MAPRE1: variants seen among roughly 807,000 people sequenced by gnomAD.
MAPRE1 encodes the protein microtubule associated protein RP/EB family member 1.
In MAPRE1, 5 loss-of-function variants were observed where a neutral mutation model predicts 32.1. That is an observed-to-expected ratio of 0.16 (90% confidence interval 0.08 to 0.33). The LOEUF is 0.33. Among genes scored for constraint, MAPRE1 ranks in the 10% least tolerant of loss-of-function variants. The pLI is 1.00. For missense variants in MAPRE1, 209 were observed against 327.2 expected, an observed-to-expected ratio of 0.64 and a Z score of 2.79; for synonymous variants, 122 against 118.9, an observed-to-expected ratio of 1.03 and a Z score of -0.17.
In MAPRE1 at chr20:32,846,777, G is replaced by A. The variant is rs1983516599; in HGVS notation, c.750+7G>A. Reference sequence around the variant, plus strand: ...CATTCTGTATGCCACAGATGTATGTGTTTGACATGAGGATATTTTCTTTCC... The same window carrying A: ...CATTCTGTATGCCACAGATGTATGTATTTGACATGAGGATATTTTCTTTCC... On this transcript the variant is annotated splice_region_variant and intron_variant, in intron 6 of 6. Transcript: ENST00000375571. 5 of 1,613,878 alleles carry A rather than the reference G, an allele frequency of 3.1e-6. No individual in the cohort carries two copies. Among genetic ancestry groups the A allele is most frequent in the Non-Finnish European group, 4.2e-6 (5 of 1,179,790 alleles).
At chr20:32,830,886 G>C (rs1220307532) in intron 2 of MAPRE1, among the ~76,000 whole-genome samples, 1 of 151,986 alleles carries the variant, frequency 6.6e-6, no homozygotes. Context: ...ACCACACCCG[G>C]CTAATTTTTT....
chr20:32,827,455 G>A (rs1982888588), intron 2 of MAPRE1, among the ~76,000 whole-genome samples: 1 of 151,964 alleles, frequency 6.6e-6, no homozygotes, highest in Admixed American at 6.6e-5. Context: ...ACAAAAACAT[G>A]GTCTCTTTCT....
chr20:32,839,959 T>C (rs1983315121), intron 5 of MAPRE1, 103 bp downstream of exon 5: 6 of 1,514,228 alleles, frequency 4.0e-6, no homozygotes, highest in Non-Finnish European at 5.4e-6. Flanking sequence ...CTGCCTTGTT[T>C]GCTTGCCAGA....
intron 2 of MAPRE1, among the ~76,000 whole-genome samples, 188 bp downstream of exon 2, chr20:32,826,236 T>TTTGA (rs1491215602): frequency 1.9e-5 from 2 of 104,936 alleles, no homozygotes; most frequent in African/African-American, 8.0e-5. Context: ...TTTTTTTTTT[T>TTTGA]GACAGAGTCT....
chr20:32,832,125 G>A (rs1030635901), intron 2 of MAPRE1, among the ~76,000 whole-genome samples: 3 of 152,094 alleles, frequency 2.0e-5, no homozygotes, highest in Non-Finnish European at 4.4e-5. Context: ...CAAAAATAAC[G>A]GTAACCGAAC....
chr20:32,836,989 CAGGCAGATAACGGTGTGTGTCCTTA>C (rs1463742793), intron 4 of MAPRE1, 148 bp downstream of exon 4: 1 of 749,732 alleles, frequency 1.3e-6, no homozygotes, highest in Admixed American at 3.1e-5. Context: ...ATTTTGGCAT[CAGGCAGATAACGGTGTGTGTCCTTA>C]GGTGTCTGTA....
intron 5 of MAPRE1, among the ~76,000 whole-genome samples, chr20:32,842,451 AC>A (rs904187804): frequency 1.3e-5 from 2 of 152,212 alleles, no homozygotes; most frequent in African/African-American, 4.8e-5. Context: ...TTTCGCAGCA[AC>A]CCTGTGAGGT....
At chr20:32,843,536 T>C (rs1983421375) in intron 5 of MAPRE1, 1 of 152,176 alleles carries the variant, frequency 6.6e-6, no homozygotes, top group African/African-American at 2.4e-5. Flanking sequence ...AAGAAATAGG[T>C]AAAATTAATT....
chr20:32,825,634 A>G (rs1446786524), intron 1 of MAPRE1, among the ~76,000 whole-genome samples: 1 of 152,036 alleles, frequency 6.6e-6, no homozygotes, highest in Admixed American at 6.6e-5. Flanking sequence ...ATCTCTACTA[A>G]AAATACAAAA....
chr20:32,826,214 CTTTTT>C (rs3092521), intron 2 of MAPRE1, among the ~76,000 whole-genome samples, 166 bp downstream of exon 2: 9 of 108,904 alleles, frequency 8.3e-5, no homozygotes, highest in Admixed American at 5.9e-4. Flanking sequence ...TCCAAAGGAA[CTTTTT>C]TTTTTTTTTT....
intron 1 of MAPRE1, among the ~76,000 whole-genome samples, chr20:32,824,588 G>A (rs1309018782): frequency 1.3e-5 from 2 of 152,086 alleles, no homozygotes; most frequent in African/African-American, 2.4e-5. Context: ...TTAACTACAA[G>A]GATTCTTCAC....
upstream of MAPRE1, chr20:32,819,887 G>A (rs393898): frequency 0.99 from 150,559 of 151,324 alleles, 74,901 homozygotes; most frequent in East Asian, 1. Flanking sequence ...GCGGAGGATG[G>A]CGAGCCTTTA....
chr20:32,843,855 T>G (rs1264355210), intron 5 of MAPRE1, among the ~76,000 whole-genome samples: 4 of 152,038 alleles, frequency 2.6e-5, no homozygotes, highest in Middle Eastern at 3.2e-3. Flanking sequence ...ACAGGTTTTT[T>G]TTTTTTTTTT....
intron 1 of MAPRE1, among the ~76,000 whole-genome samples, chr20:32,820,587 G>C (rs1320686943): frequency 2.0e-5 from 3 of 152,202 alleles, no homozygotes; most frequent in African/African-American, 7.2e-5. Context: ...AAGTAAGCCA[G>C]CTCTTGGACT....
At chr20:32,835,362 G>GTTTT (rs1198541946) in intron 3 of MAPRE1, among the ~76,000 whole-genome samples, 3 of 61,024 alleles carry the variant, frequency 4.9e-5, no homozygotes, top group African/African-American at 1.7e-4. Context: ...GTTTTTATTG[G>GTTTT]TGTTTTTTTT....
At chr20:32,845,339 C>G (rs760727246) in intron 5 of MAPRE1, among the ~76,000 whole-genome samples, 32 of 152,166 alleles carry the variant, frequency 2.1e-4, no homozygotes, top group Non-Finnish European at 3.7e-4. Flanking sequence ...CGGCAGCTGG[C>G]CCCTCTAGTA....
intron 5 of MAPRE1, among the ~76,000 whole-genome samples, chr20:32,844,774 A>G (rs914411257): frequency 5.3e-5 from 8 of 152,142 alleles, no homozygotes; most frequent in Admixed American, 1.3e-4. Flanking sequence ...GCCACCAGGC[A>G]TGTGATTAGA....
intron 4 of MAPRE1, among the ~76,000 whole-genome samples, chr20:32,837,633 G>T (rs1983237513): frequency 6.6e-6 from 1 of 152,116 alleles, no homozygotes; most frequent in Non-Finnish European, 1.5e-5. Flanking sequence ...GAGAGGGTAG[G>T]TTGAGTGCTT....
At chr20:32,846,010 C>T (rs537340184) in intron 5 of MAPRE1, among the ~76,000 whole-genome samples, 3 of 152,312 alleles carry the variant, frequency 2.0e-5, no homozygotes, top group Admixed American at 1.3e-4. Flanking sequence ...GAATACAGTA[C>T]ACTGGAATGA....
Sources: allele counts gnomAD v4.1 joint callset (sites outside exome capture counted in the v4.1 genomes callset), GRCh38; gene constraint gnomAD v4.1.1; transcripts MANE v1.5; gene names NCBI Gene and HGNC (gene_info 2026-07-23, HGNC 2026-07-21).